CREB5: variants seen among roughly 807,000 people sequenced by gnomAD.
CREB5 encodes cyclic AMP-responsive element-binding protein 5.
CREB5 carries 19 observed loss-of-function variants against 57.1 expected under a neutral mutation model. That is an observed-to-expected ratio of 0.33 (90% CI 0.23 to 0.49). The LOEUF is 0.49. Among genes scored for constraint, CREB5 ranks in the 20% least tolerant of loss-of-function variants. The pLI is 0.99. For synonymous variants in CREB5, 238 were observed against 238.3 expected (o/e 1.00, Z 0.01); for missense variants, 579 against 671.6 (o/e 0.86, Z 1.52).
chr7:28,613,751 A>G (rs1797491600), intron 5 of CREB5, among the ~76,000 whole-genome samples: 1 of 152,170 alleles, frequency 6.6e-6, no homozygotes, highest in Non-Finnish European at 1.5e-5. Flanking sequence ...TTGGGTCATC[A>G]AATCTCAATT....
At chr7:28,499,663 A>C (rs1009842711) in intron 3 of CREB5, among the ~76,000 whole-genome samples, 21 of 152,180 alleles carry the variant, frequency 1.4e-4, no homozygotes, top group Admixed American at 1.2e-3. Flanking sequence ...AGTTCACTGC[A>C]ACCTCTGCTT....
chr7:28,611,932 A>C (rs1797407001), intron 5 of CREB5, among the ~76,000 whole-genome samples: 1 of 151,946 alleles, frequency 6.6e-6, no homozygotes, highest in South Asian at 2.1e-4. Context: ...AGCAACAAAG[A>C]AAAGAAAAGA....
chr7:28,801,012 T>G (rs1027902719), intron 7 of CREB5, among the ~76,000 whole-genome samples: 34 of 152,206 alleles, frequency 2.2e-4, no homozygotes, highest in African/African-American at 8.0e-4. Flanking sequence ...GCTTGATACT[T>G]GTAAAACATA....
rs201980661 is a variant in CREB5 at position 28,583,273 on chromosome 7, T to C, written c.464+12736T>C. ...AAGAGGAAAAGTGAATTATTGGGTA[T>C]GATAAAGCAAGTACCATCTTAAAGA... is the stretch of plus-strand genomic sequence containing the variant. On this transcript the variant is annotated intron_variant, in intron 5 of 10. Transcript: ENST00000357727. Among the ~76,000 whole-genome samples, 16 of 152,210 alleles carry C rather than the reference T, an allele frequency of 1.1e-4. No homozygotes were observed. The East Asian group carries it at 1.9e-3, about 18-fold the overall frequency.
intron 5 of CREB5, among the ~76,000 whole-genome samples, chr7:28,595,304 C>A (rs573899965): frequency 7.2e-5 from 11 of 152,156 alleles, no homozygotes; most frequent in African/African-American, 2.6e-4. Context: ...AGTTAATGCC[C>A]ATCACCCTCA....
chr7:28,468,549 G>C (rs140515169), intron 1 of CREB5, among the ~76,000 whole-genome samples: 1 of 152,210 alleles, frequency 6.6e-6, no homozygotes, highest in African/African-American at 2.4e-5. Context: ...GCACCAGAGT[G>C]GGGGAAGGAG....
intron 7 of CREB5, among the ~76,000 whole-genome samples, chr7:28,737,485 T>C (rs1358389470): frequency 1.5e-5 from 2 of 135,198 alleles, no homozygotes; most frequent in African/African-American, 2.8e-5. Context: ...ACATAGTAAT[T>C]TCTCTCTCTC....
At chr7:28,574,611 T>A (rs1795833879) in intron 5 of CREB5, among the ~76,000 whole-genome samples, 1 of 152,242 alleles carries the variant, frequency 6.6e-6, no homozygotes, top group African/African-American at 2.4e-5. Context: ...TCTACAAGAA[T>A]GGATATCAGT....
chr7:28,556,599 G>A (rs913856036), intron 4 of CREB5, among the ~76,000 whole-genome samples: 15 of 152,112 alleles, frequency 9.9e-5, no homozygotes, highest in African/African-American at 3.6e-4. Flanking sequence ...ATGAACATGT[G>A]TATTATGGAT....
At chr7:28,404,192 T>C (rs946801819) in intron 1 of CREB5, among the ~76,000 whole-genome samples, 4 of 152,218 alleles carry the variant, frequency 2.6e-5, no homozygotes, top group Non-Finnish European at 4.4e-5. Flanking sequence ...GAAAAAGAAC[T>C]ATGGGCCGCC....
chr7:28,580,640 G>A (rs1269489938), intron 5 of CREB5, among the ~76,000 whole-genome samples: 1 of 147,624 alleles, frequency 6.8e-6, no homozygotes, highest in Non-Finnish European at 1.5e-5. Context: ...TGAAACTTTG[G>A]CTACCCCACC....
chr7:28,556,234 C>A (rs1029889571), intron 4 of CREB5, among the ~76,000 whole-genome samples: 2 of 152,198 alleles, frequency 1.3e-5, no homozygotes, highest in African/African-American at 4.8e-5. Flanking sequence ...CAAATTCCAT[C>A]TTCTGTGACT....
intron 1 of CREB5, among the ~76,000 whole-genome samples, chr7:28,342,229 C>A (rs1785950872): frequency 6.6e-6 from 1 of 152,052 alleles, no homozygotes; most frequent in Non-Finnish European, 1.5e-5. Flanking sequence ...TTATTATCAC[C>A]ATTCCTCTCT....
upstream of CREB5, among the ~76,000 whole-genome samples, chr7:28,408,495 G>A (rs1411616580): frequency 6.6e-6 from 1 of 152,196 alleles, no homozygotes; most frequent in Non-Finnish European, 1.5e-5. Flanking sequence ...GGATCCTGCA[G>A]TCTGGCCCTG....
chr7:28,303,025 G>A (rs1262199476), intron 1 of CREB5, among the ~76,000 whole-genome samples: 1 of 151,824 alleles, frequency 6.6e-6, no homozygotes, highest in Non-Finnish European at 1.5e-5. Flanking sequence ...CTTGGAATTA[G>A]TTGTAGCTTG....
At chr7:28,800,981 G>A (rs1001263979) in intron 7 of CREB5, among the ~76,000 whole-genome samples, 8 of 152,138 alleles carry the variant, frequency 5.3e-5, no homozygotes, top group Non-Finnish European at 8.8e-5. Flanking sequence ...AGCCTTACAC[G>A]GTTGTTCTGA....
intron 1 of CREB5, among the ~76,000 whole-genome samples, chr7:28,449,451 GT>G (rs1240595351): frequency 6.6e-6 from 1 of 152,034 alleles, no homozygotes; most frequent in Non-Finnish European, 1.5e-5. Context: ...ACTTTCCATC[GT>G]TTTGCGTAAG....
chr7:28,514,476 A>G (rs1047189728), intron 4 of CREB5, among the ~76,000 whole-genome samples: 2 of 152,104 alleles, frequency 1.3e-5, no homozygotes, highest in Admixed American at 6.5e-5. Context: ...GCTCACTGCA[A>G]GCTCCGCCTC....
At position 28,485,593 on chromosome 7, in the gene CREB5, G is replaced by A. The variant is rs915700215; in HGVS notation, c.4-2582G>A. Reference sequence around the variant, plus strand: ...CCAGGCCCCATAGCCAATATGACAAGGAATGCGGTTGCTGAAGTTTGGTCT... The same window carrying A: ...CCAGGCCCCATAGCCAATATGACAAAGAATGCGGTTGCTGAAGTTTGGTCT... On this transcript the variant is annotated intron_variant, in intron 1 of 10. Coordinates refer to ENST00000357727, the MANE Select transcript of CREB5 (RefSeq NM_182898.4). Among the ~76,000 whole-genome samples, 10 of 152,058 alleles carry A rather than the reference G, an allele frequency of 6.6e-5. 1 individual carries two copies. Among genetic ancestry groups the A allele is most frequent in the Non-Finnish European group, 1.3e-4 (9 of 68,008 alleles).
Sources: gnomAD v4.1 joint callset for allele counts (sites outside exome capture counted in the v4.1 genomes callset) on GRCh38, gnomAD v4.1.1 for gene constraint, MANE v1.5 for transcripts, NCBI Gene and HGNC (gene_info 2026-07-23, HGNC 2026-07-21) for gene names.